The following HK3 variants were observed in gnomAD, a reference collection of about 807,000 sequenced individuals.
HK3 encodes the protein hexokinase 3, also known as hexokinase-3.
Under a neutral mutation model 91.0 loss-of-function variants are expected in HK3, and 93 were observed. The ratio of observed to expected loss-of-function variants is 1.02; its 90% CI spans 0.86 to 1.21. The LOEUF (loss-of-function observed/expected upper bound fraction) is 1.21. HK3 is among the 50% of genes most tolerant of loss of function. The pLI is 0.00. For missense variants in HK3, 1,235 were observed against 1,247.4 expected, an observed-to-expected ratio of 0.99 and a Z score of 0.15; for synonymous variants, 519 against 516.9, an observed-to-expected ratio of 1.00 and a Z score of -0.06.
At chr5:176,892,981 G>A (rs940926969) in intron 2 of HK3, among the ~76,000 whole-genome samples, 1 of 152,190 alleles carries the variant, frequency 6.6e-6, no homozygotes, top group African/African-American at 2.4e-5. Flanking sequence ...ACCCTGACCA[G>A]GCCTATCTGG....
Position 176,881,138 on chromosome 5 carries a change from AC to A in HK3, c.2706del (p.Ser903ProfsTer18). ...CVVTFLQSED[G>X]SGKGAALVTA... ...GTGACCAGGGCCGCACCTTTGCCGG[AC>A]CCATCCTCTGACTGCAGGAACGTGA... On this transcript the variant is annotated frameshift_variant, in exon 19 of 19. Transcript: ENST00000292432. LOFTEE classifies it high-confidence loss of function. 6.2e-7 allele frequency: 1 copy of A among 1,612,972 alleles called. No homozygotes were observed. Among genetic ancestry groups the A allele is most frequent in the Non-Finnish European group, 8.5e-7 (1 of 1,179,888 alleles).
Position 176,891,436 on chromosome 5 carries a change from C to A in HK3, c.211G>T (p.Ala71Ser). 1 of 1,614,060 alleles carries A rather than the reference C, an allele frequency of 6.2e-7. No individual in the cohort carries two copies. ...ALRGQASPAP[A>S]VRMLPTYVGS... Reference sequence around the variant, plus strand: ...ACGTATGTAGGCAGCATCCGGACCGCAGGGGCAGGGCTGGCCTGTCCCCTC... The same window carrying A: ...ACGTATGTAGGCAGCATCCGGACCGAAGGGGCAGGGCTGGCCTGTCCCCTC... Residue 71 changes from alanine to serine, a missense_variant, in exon 3 of 19, where the codon GCG (alanine) becomes TCG (serine). By Grantham distance (99) the Ala-to-Ser change is moderately conservative. Coordinates refer to ENST00000292432, the MANE Select transcript of HK3 (RefSeq NM_002115.3).
Position 176,891,133 on chromosome 5 carries a change from C to A in HK3, c.318G>T (p.Leu106Phe), listed in dbSNP as rs746768717. 46 of 1,614,020 alleles carry A rather than the reference C, an allele frequency of 2.9e-5. No homozygotes were observed. Among genetic ancestry groups the A allele is most frequent in the Non-Finnish European group, 3.6e-5 (43 of 1,180,054 alleles). The change falls in exon 4 of 19, where the codon TTG becomes TTT. Residue 106 changes from leucine (L) to phenylalanine (F), a missense_variant. Leu to Phe is a conservative substitution (Grantham distance 22). This residue lies in a region of HK3 where 717 missense variants were observed against 751.6 expected (regional missense o/e 0.95). Transcript: ENST00000292432. Reference sequence around the variant, plus strand: ...CCTCAATGCCAGTTAGAGTCACCCACAAAACACGCAGTGAGGCCCCTGTGG... The same window carrying A: ...CCTCAATGCCAGTTAGAGTCACCCAAAAAACACGCAGTGAGGCCCCTGTGG... ...LGATGASLRVLWVTLTGIEGH... is the reference protein window; with the variant it reads ...LGATGASLRVFWVTLTGIEGH...
In HK3 at chr5:176,888,803, A is replaced by G; in HGVS notation, c.976T>C (p.Leu326=). 1 of 1,614,180 alleles carries G rather than the reference A, an allele frequency of 6.2e-7. No individual in the cohort carries two copies. Among genetic ancestry groups the G allele is most frequent in the African/African-American group, 1.3e-5 (1 of 75,052 alleles). ...CCAAAGAGGACCCCACACCGGGCCA[A>G]GTGAGCCAGCACCAGCCGCACCAGC... ...GELVRLVLAH[L]ARCGVLFGGC... The change falls in exon 9 of 19, where the codon TTG becomes CTG. Residue 326 remains leucine, a synonymous_variant. Coordinates refer to ENST00000292432, the MANE Select transcript of HK3 (RefSeq NM_002115.3).
chr5:176,888,854 T>A lies in HK3; in HGVS notation c.925A>T (p.Met309Leu), dbSNP rs1447930011. Residue 309 changes from methionine (M) to leucine (L), a missense_variant, in exon 9 of 19, where the codon ATG becomes TTG. Met to Leu is a conservative substitution (Grantham distance 15, BLOSUM62 2). Around this residue, in one of 3 missense-constraint regions of HK3, gnomAD observed 717 missense variants for 751.6 expected, o/e 0.95. Coordinates refer to ENST00000292432, the MANE Select transcript of HK3 (RefSeq NM_002115.3). ...TCACCCAGGTACAGGCCTCCGATCA[T>A]CTTCTCAAACCTGCAGGGGGGAAGG... The part of the protein sequence containing the change: ...LNPGAQRFEK[M>L]IGGLYLGELV... 5 of 1,613,792 alleles carry A rather than the reference T, an allele frequency of 3.1e-6. No homozygotes were observed. Among genetic ancestry groups the A allele is most frequent in the South Asian group, 2.2e-5 (2 of 91,072 alleles).
chr5:176,898,066 T>C (rs1758949626), intron 1 of HK3, among the ~76,000 whole-genome samples: 1 of 151,926 alleles, frequency 6.6e-6, no homozygotes, highest in Non-Finnish European at 1.5e-5. Flanking sequence ...CTCTATGCAA[T>C]TGGATCTCAG....
At chr5:176,890,485 C>A in intron 6 of HK3, 150 bp downstream of exon 6, 1 of 704,196 alleles carries the variant, frequency 1.4e-6, no homozygotes, top group Non-Finnish European at 2.5e-6. Context: ...CAACATGTAC[C>A]ATGTATAGGT....
intron 2 of HK3, among the ~76,000 whole-genome samples, chr5:176,891,882 C>T (rs1323246324): frequency 1.3e-5 from 2 of 152,230 alleles, no homozygotes; most frequent in Non-Finnish European, 2.9e-5. Context: ...TCTGGCTCCC[C>T]AGGACCCACA....
chr5:176,897,439 C>G (rs1179975765), intron 1 of HK3, among the ~76,000 whole-genome samples: 1 of 152,082 alleles, frequency 6.6e-6, no homozygotes, highest in Non-Finnish European at 1.5e-5. Context: ...TACCTCCCTT[C>G]CTTGCAACAG....
In HK3 at chr5:176,890,677, C is replaced by T; in HGVS notation, c.588G>A (p.Gln196=). ...CATCTCTCAGCAGCTGGACCACATCCTGGCCTTCCACACCACTGCACCTAA... is the reference window on the plus strand; with the variant it reads ...CATCTCTCAGCAGCTGGACCACATCTTGGCCTTCCACACCACTGCACCTAA... ...KGFRCSGVEG[Q]DVVQLLRDAI... The change falls in exon 6 of 19, where the codon CAG becomes CAA. Residue 196 remains glutamine, a synonymous_variant. Coordinates refer to ENST00000292432, the MANE Select transcript of HK3 (RefSeq NM_002115.3). 1 of 1,614,186 alleles carries T rather than the reference C, an allele frequency of 6.2e-7. No individual in the cohort carries two copies. The highest frequency in any genetic ancestry group is 8.5e-7 in the Non-Finnish European group (1 of 1,180,012).
Position 176,882,043 on chromosome 5 carries a change from A to C in HK3, c.2138T>G (p.Met713Arg), listed in dbSNP as rs758880985. The C allele has an allele frequency of 5.5e-5, 89 of 1,612,936 alleles. No individual in the cohort carries two copies. Among genetic ancestry groups the C allele is most frequent in the Middle Eastern group, 1.6e-4 (1 of 6,084 alleles). ...PGDSGRMCIN[M>R]EWGAFGDDGS... is the part of the protein sequence containing the mutation. Reference sequence around the variant, plus strand: ...ATCGTCCCCAAAGGCGCCCCACTCCATGTTGATGCACATGCGGCCTGAGTC... The same window carrying C: ...ATCGTCCCCAAAGGCGCCCCACTCCCTGTTGATGCACATGCGGCCTGAGTC... Residue 713 changes from methionine (M) to arginine (R), a missense_variant, in exon 16 of 19, where the codon ATG becomes AGG. Met to Arg is a moderately conservative substitution (Grantham distance 91). Transcript: ENST00000292432.
At chr5:176,897,175 C>CT (rs1172503858) in intron 1 of HK3, among the ~76,000 whole-genome samples, 4 of 152,182 alleles carry the variant, frequency 2.6e-5, no homozygotes, top group Non-Finnish European at 5.9e-5. Flanking sequence ...AACTGAAACT[C>CT]TATGATTCTC....
intron 8 of HK3, 143 bp downstream of exon 8, chr5:176,889,238 C>G (rs1171661369): frequency 1.1e-6 from 1 of 907,374 alleles, no homozygotes; most frequent in Non-Finnish European, 1.7e-6. Context: ...TGAACCTGGC[C>G]AGGGCCCCCA....
chr5:176,888,532 G>A lies in HK3; in HGVS notation c.1104C>T (p.Ile368=). 2 of 1,557,676 alleles carry A rather than the reference G, an allele frequency of 1.3e-6. No homozygotes were observed. Among genetic ancestry groups the A allele is most frequent in the Non-Finnish European group, 1.7e-6 (2 of 1,149,906 alleles). ...PSTGAARVHA[I]LQDLGLSPGA... ...CAGGGCTCAGGCCCAAGTCCTGCAGGATAGCATGGACACGGGCTGCCCCAG... is the reference window on the plus strand; with the variant it reads ...CAGGGCTCAGGCCCAAGTCCTGCAGAATAGCATGGACACGGGCTGCCCCAG... Residue 368 remains isoleucine (I), a synonymous_variant, in exon 10 of 19, where the codon ATC becomes ATT. Coordinates refer to ENST00000292432, the MANE Select transcript of HK3 (RefSeq NM_002115.3).
chr5:176,881,862 G>A lies in HK3; in HGVS notation c.2238-15C>T, dbSNP rs749726557. 53 of 1,607,034 alleles carry A rather than the reference G, an allele frequency of 3.3e-5. No individual in the cohort carries two copies. In the Admixed American group the frequency reaches 6.1e-4, roughly 19 times the overall value. On this transcript the variant is annotated splice_polypyrimidine_tract_variant and intron_variant, in intron 16 of 18. Transcript: ENST00000292432. ...TCTTTTCAAACCTGCATGAACATGT[G>A]TGCACTCGGCAGAAGGCCCCACCAG...
In HK3 at chr5:176,896,149, A is replaced by G. The variant is rs752720262; in HGVS notation, c.11T>C (p.Ile4Thr). The G allele has an allele frequency of 1.2e-5, 20 of 1,607,258 alleles. No homozygotes were observed. The highest frequency in any genetic ancestry group is 2.2e-5 in the East Asian group (1 of 44,794). The part of the protein sequence containing the change: MDS[I>T]GSSGLRQGEE... ...CCCCTGCCGCAACCCTGAAGACCCAATGGAGTCCATGAGCTTCCACAGTGG... is the reference window on the plus strand; with the variant it reads ...CCCCTGCCGCAACCCTGAAGACCCAGTGGAGTCCATGAGCTTCCACAGTGG... The change falls in exon 2 of 19, where the codon ATT (isoleucine) becomes ACT (threonine). Residue 4 changes from isoleucine (I) to threonine (T), a missense_variant. This residue lies in a region of HK3 where 717 missense variants were observed against 751.6 expected (regional missense o/e 0.95). Coordinates refer to ENST00000292432, the MANE Select transcript of HK3 (RefSeq NM_002115.3).
intron 14 of HK3, 36 bp from the exon 15 acceptor site, chr5:176,883,905 C>G (rs1214949110): frequency 6.2e-7 from 1 of 1,605,268 alleles, no homozygotes; most frequent in Non-Finnish European, 8.5e-7. Context: ...TGCTGGGCAA[C>G]GCGGTCGTCA....
Position 176,888,422 on chromosome 5 carries a change from G to A in HK3, c.1214C>T (p.Ala405Val), listed in dbSNP as rs1372281903. The A allele has an allele frequency of 1.3e-6, 2 of 1,560,386 alleles. No homozygotes were observed. Among genetic ancestry groups the A allele is most frequent in the Non-Finnish European group, 1.7e-6 (2 of 1,151,690 alleles). ...GCTGTGCTGGAGGCAGGAGAGAACA[G>A]CGGCCAGGGCGGCAGCACAGAGCTG... ...AAQLCAAALA[A>V]VLSCLQHSRE... is the part of the protein sequence containing the mutation. The change falls in exon 10 of 19, where the codon GCT (alanine) becomes GTT (valine). Residue 405 changes from alanine (A) to valine (V), a missense_variant. Physicochemically the swap from Ala to Val is moderately conservative, Grantham distance 64. Transcript: ENST00000292432.
At chr5:176,882,586 G>A (rs1452616764) in intron 15 of HK3, among the ~76,000 whole-genome samples, 1 of 152,214 alleles carries the variant, frequency 6.6e-6, no homozygotes, top group Admixed American at 6.5e-5. Flanking sequence ...CAGAGGTCAG[G>A]CAATGAATAG....
Sources: allele counts gnomAD v4.1 joint callset (sites outside exome capture counted in the v4.1 genomes callset), GRCh38; gene constraint gnomAD v4.1.1; regional missense constraint gnomAD v4.1.1; transcripts MANE v1.5; gene names NCBI Gene and HGNC (gene_info 2026-07-23, HGNC 2026-07-21).